MYOM1: variants seen among roughly 807,000 people sequenced by gnomAD.
The protein encoded by MYOM1 is myomesin-1.
In MYOM1, 164 loss-of-function variants were observed where a neutral mutation model predicts 205.3. The observed-to-expected ratio is 0.80, with a 90% CI of 0.70 to 0.91. The LOEUF (loss-of-function observed/expected upper bound fraction) is 0.91, where lower values mean the gene tolerates loss of function less well. Among genes scored for constraint, MYOM1 ranks in the 40% least tolerant of loss-of-function variants. MYOM1 has a pLI of 0.00. For missense variants in MYOM1, 2,011 were observed against 2,127.3 expected, an observed-to-expected ratio of 0.95 and a Z score of 1.08; for synonymous variants, 772 against 789.4, an observed-to-expected ratio of 0.98 and a Z score of 0.37.
chr18:3,180,840 A>T (rs750819695), intron 5 of MYOM1, among the ~76,000 whole-genome samples: 1 of 152,114 alleles, frequency 6.6e-6, no homozygotes, highest in Non-Finnish European at 1.5e-5. Flanking sequence ...TCACAGTAAA[A>T]GCTCTTTGGC....
At chr18:3,216,205 T>C (rs183175615) in intron 1 of MYOM1, among the ~76,000 whole-genome samples, 83 of 152,336 alleles carry the variant, frequency 5.4e-4, no homozygotes, top group Admixed American at 2.2e-3. Context: ...AGGCGGAGTT[T>C]GCAGTGAGCC....
At chr18:3,148,728 C>T (rs1203128191) in intron 13 of MYOM1, among the ~76,000 whole-genome samples, 7 of 150,876 alleles carry the variant, frequency 4.6e-5, no homozygotes. Context: ...CGCCTGTAGT[C>T]CCAGCTGCTC....
At chr18:3,117,105 C>A (rs11081013) in intron 20 of MYOM1, among the ~76,000 whole-genome samples, 124,887 of 151,952 alleles carry the variant, frequency 0.82, 52,617 homozygotes, top group East Asian at 0.97. Flanking sequence ...GGTTCTTCTG[C>A]CTCAGCCTCC....
At chr18:3,079,965 C>A (rs1460463460) in intron 33 of MYOM1, among the ~76,000 whole-genome samples, 3 of 152,130 alleles carry the variant, frequency 2.0e-5, no homozygotes. Context: ...TGAGCAGACC[C>A]ATGCAATATA....
intron 22 of MYOM1, among the ~76,000 whole-genome samples, chr18:3,108,151 C>T (rs767697155): frequency 2.6e-5 from 4 of 152,304 alleles, no homozygotes; most frequent in Non-Finnish European, 4.4e-5. Flanking sequence ...ACCTCTGAGC[C>T]TTCAGGGAGA....
Position 3,154,962 on chromosome 18 carries a change from C to T in MYOM1, c.1628G>A (p.Gly543Glu), listed in dbSNP as rs2080273527. Residue 543 changes from glycine (G) to glutamate (E), a missense_variant, in exon 11 of 38, where the codon GGA (glycine) becomes GAA (glutamate). Transcript: ENST00000356443. ...PAVDGGSPIL[G>E]YFIDKCEVGT... ...AAGCACTAACTTATCAATAAAATAT[C>T]CGAGAATAGGACTCCCTCCATCGAC... The T allele has an allele frequency of 1.9e-6, 3 of 1,611,482 alleles. No individual in the cohort carries two copies. Among genetic ancestry groups the T allele is most frequent in the Non-Finnish European group, 2.5e-6 (3 of 1,178,808 alleles).
At chr18:3,070,706 A>G (rs1485045008) in intron 37 of MYOM1, among the ~76,000 whole-genome samples, 1 of 151,774 alleles carries the variant, frequency 6.6e-6, no homozygotes, top group Non-Finnish European at 1.5e-5. Flanking sequence ...GTTTAAAACC[A>G]AATGGAAAGA....
At chr18:3,131,867 G>T (rs116370543) in intron 16 of MYOM1, among the ~76,000 whole-genome samples, 1,908 of 151,828 alleles carry the variant, frequency 0.013, 37 homozygotes, top group African/African-American at 0.043. Flanking sequence ...AGGAGCCCTG[G>T]TCTTCCCCAA....
intron 9 of MYOM1, among the ~76,000 whole-genome samples, chr18:3,166,044 C>CA (rs2080464336): frequency 6.6e-6 from 1 of 152,172 alleles, no homozygotes; most frequent in Admixed American, 6.5e-5. Flanking sequence ...CTGCCATTCC[C>CA]GTATTTCCTC....
intron 22 of MYOM1, among the ~76,000 whole-genome samples, chr18:3,108,753 C>T (rs1047434621): frequency 2.6e-5 from 4 of 152,100 alleles, no homozygotes; most frequent in African/African-American, 9.7e-5. Flanking sequence ...GTTGGCCAGG[C>T]TGATCTCGAA....
intron 22 of MYOM1, among the ~76,000 whole-genome samples, chr18:3,108,426 T>C (rs544938211): frequency 3.9e-4 from 60 of 152,332 alleles, no homozygotes; most frequent in African/African-American, 1.4e-3. Flanking sequence ...GTCCTGTACA[T>C]AGTAGACAAA....
intron 1 of MYOM1, among the ~76,000 whole-genome samples, chr18:3,218,873 A>T (rs542001230): frequency 4.6e-5 from 7 of 152,238 alleles, no homozygotes; most frequent in Non-Finnish European, 1.0e-4. Flanking sequence ...ATTTCTCCCA[A>T]ATACATTTAT....
At chr18:3,074,277 C>G (rs932237780) in intron 36 of MYOM1, among the ~76,000 whole-genome samples, 1 of 152,114 alleles carries the variant, frequency 6.6e-6, no homozygotes, top group African/African-American at 2.4e-5. Flanking sequence ...ATACACAGGG[C>G]CTGAGCAGGA....
intron 12 of MYOM1, among the ~76,000 whole-genome samples, chr18:3,150,200 C>T (rs551471659): frequency 3.1e-4 from 47 of 152,282 alleles, no homozygotes; most frequent in African/African-American, 1.1e-3. Context: ...GCTGGGATTA[C>T]AGGCGCCCGC....
rs934618754 is a variant in MYOM1 at position 3,219,564 on chromosome 18, G to A, written c.-29+239C>T. Among the ~76,000 whole-genome samples, 11 of 152,172 alleles carry A rather than the reference G, an allele frequency of 7.2e-5. No homozygotes were observed. The highest frequency in any genetic ancestry group is 2.7e-4 in the African/African-American group (11 of 41,432). On this transcript the variant is annotated intron_variant, in intron 1 of 37. Transcript: ENST00000356443. The surrounding 1 kb of genome is among the most constrained non-coding windows in gnomAD (Gnocchi z 4.4). ...AGATATGACCTCCTTACAGTTCCAG[G>A]AACAGCAGCTTAATTTCAGAAGAAT...
At chr18:3,132,285 G>C (rs2143894437) in intron 16 of MYOM1, among the ~76,000 whole-genome samples, 1 of 151,688 alleles carries the variant, frequency 6.6e-6, no homozygotes, top group Admixed American at 6.6e-5. Flanking sequence ...TGAGTAGCTG[G>C]GACTACAGGC....
chr18:3,118,993 CA>C (rs2079646748), intron 20 of MYOM1, among the ~76,000 whole-genome samples: 1 of 152,188 alleles, frequency 6.6e-6, no homozygotes, highest in African/African-American at 2.4e-5. Context: ...GACATAAAAT[CA>C]CCCCCCGCAT....
intron 13 of MYOM1, 130 bp from the exon 14 acceptor site, chr18:3,142,193 C>G: frequency 9.2e-7 from 1 of 1,089,602 alleles, no homozygotes; most frequent in Non-Finnish European, 1.3e-6. Context: ...AGTACCTTCT[C>G]TCTAAAATTC....
At chr18:3,077,208 A>T (rs1381091494) in intron 34 of MYOM1, among the ~76,000 whole-genome samples, 1 of 151,616 alleles carries the variant, frequency 6.6e-6, no homozygotes, top group Non-Finnish European at 1.5e-5. Flanking sequence ...TTGTAGAGAC[A>T]GGGTCTTGCG....
Sources: gnomAD v4.1 joint callset for allele counts (sites outside exome capture counted in the v4.1 genomes callset) on GRCh38, gnomAD v4.1.1 for gene constraint, Gnocchi (gnomAD v3.1) non-coding constraint, MANE v1.5 for transcripts, NCBI Gene and HGNC (gene_info 2026-07-23, HGNC 2026-07-21) for gene names.